PRKG1: variants seen among roughly 807,000 people sequenced by gnomAD.
PRKG1 encodes protein kinase cGMP-dependent 1.
In PRKG1, 35 loss-of-function variants were observed where a neutral mutation model predicts 88.1. The observed-to-expected ratio is 0.40, with a 90% CI of 0.30 to 0.53. PRKG1 has a LOEUF of 0.53. Among genes scored for constraint, PRKG1 ranks in the 20% least tolerant of loss-of-function variants. PRKG1 has a pLI of 0.59. For synonymous variants in PRKG1, 303 were observed against 292.5 expected, an observed-to-expected ratio of 1.04 and a Z score of -0.37; for missense variants, 540 against 839.8, an observed-to-expected ratio of 0.64 and a Z score of 4.41.
intron 5 of PRKG1, among the ~76,000 whole-genome samples, chr10:52,007,353 A>T (rs532698558): frequency 6.6e-6 from 1 of 151,536 alleles, no homozygotes; most frequent in South Asian, 2.1e-4. Context: ...AAGAAATGAG[A>T]CCAAATGTTA....
intron 3 of PRKG1, among the ~76,000 whole-genome samples, chr10:51,706,582 C>T (rs1030089099): frequency 6.6e-6 from 1 of 151,994 alleles, no homozygotes; most frequent in Non-Finnish European, 1.5e-5. Context: ...TTAGACCAGG[C>T]TCAAATGTCC....
At chr10:51,131,096 AATGTTCCTGGTAG>A (rs1383910591) in intron 1 of PRKG1, among the ~76,000 whole-genome samples, 1 of 152,140 alleles carries the variant, frequency 6.6e-6, no homozygotes, top group Non-Finnish European at 1.5e-5. Context: ...AGTAACAATT[AATGTTCCTGGTAG>A]ATTTTCCCAT....
intron 7 of PRKG1, among the ~76,000 whole-genome samples, chr10:52,098,932 T>C (rs914879711): frequency 2.0e-5 from 3 of 152,198 alleles, no homozygotes; most frequent in Admixed American, 1.3e-4. Context: ...AGAATCCAAA[T>C]GTAAAGCTGT....
In PRKG1 at chr10:51,013,896, T is replaced by A. The variant is rs148775313; in HGVS notation, c.266+22252T>A. Among the ~76,000 whole-genome samples the A allele has an allele frequency of 3.4e-3, 512 of 152,298 alleles. 4 individuals carry two copies. Among genetic ancestry groups the A allele is most frequent in the African/African-American group, 0.012 (484 of 41,566 alleles). ...AGGCTATTCAACAACTGAGCACTATTTGTTTTAAATCGTCTTAATCGATGG... is the reference window on the plus strand; with the variant it reads ...AGGCTATTCAACAACTGAGCACTATATGTTTTAAATCGTCTTAATCGATGG... On this transcript the variant is annotated intron_variant, in intron 1 of 17. Transcript: ENST00000401604.
chr10:50,995,172 T>C (rs1842825721), intron 1 of PRKG1, among the ~76,000 whole-genome samples: 2 of 152,284 alleles, frequency 1.3e-5, no homozygotes, highest in Non-Finnish European at 2.9e-5. Flanking sequence ...ATTTACGTAA[T>C]AGGTGACAAA....
At chr10:51,621,265 A>G (rs1564576708) in intron 3 of PRKG1, among the ~76,000 whole-genome samples, 1 of 151,932 alleles carries the variant, frequency 6.6e-6, no homozygotes, top group Non-Finnish European at 1.5e-5. Flanking sequence ...GTGAGATCAG[A>G]TGAAAGAGTT....
intron 2 of PRKG1, among the ~76,000 whole-genome samples, chr10:51,377,158 C>T (rs891566746): frequency 1.3e-5 from 2 of 151,968 alleles, no homozygotes; most frequent in Non-Finnish European, 2.9e-5. Context: ...TCTATGCTAA[C>T]TGTATGCATA....
chr10:51,945,969 G>A (rs1295362905), intron 5 of PRKG1, among the ~76,000 whole-genome samples: 9 of 150,236 alleles, frequency 6.0e-5, no homozygotes, highest in Admixed American at 1.3e-4. Flanking sequence ...TCTTTGTGGC[G>A]TTCTCTGTAT....
At chr10:51,349,274 T>C (rs1333653180) in intron 2 of PRKG1, among the ~76,000 whole-genome samples, 2 of 152,138 alleles carry the variant, frequency 1.3e-5, no homozygotes, top group Non-Finnish European at 2.9e-5. Flanking sequence ...GTGAAATATA[T>C]GGCCAGTGAC....
chr10:51,695,017 T>G (rs1332102781), intron 3 of PRKG1, among the ~76,000 whole-genome samples: 5 of 152,178 alleles, frequency 3.3e-5, no homozygotes, highest in African/African-American at 1.2e-4. Context: ...TAAACCCTTA[T>G]GAAGGCAGCA....
At chr10:52,080,148 T>C (rs1439663578) in intron 7 of PRKG1, among the ~76,000 whole-genome samples, 3 of 152,226 alleles carry the variant, frequency 2.0e-5, no homozygotes, top group Non-Finnish European at 4.4e-5. Flanking sequence ...GATTATAATA[T>C]TAACCATTCC....
intron 1 of PRKG1, among the ~76,000 whole-genome samples, chr10:51,104,445 T>C (rs186086200): frequency 4.4e-4 from 67 of 152,318 alleles, no homozygotes; most frequent in Non-Finnish European, 5.3e-4. Flanking sequence ...GTATATAAGA[T>C]GTAAGTACGT....
chr10:52,257,191 C>G (rs1488394889), intron 10 of PRKG1, among the ~76,000 whole-genome samples: 3 of 139,056 alleles, frequency 2.2e-5, no homozygotes, highest in Non-Finnish European at 4.9e-5. Flanking sequence ...GTCGCGAGAA[C>G]CAATTTATGC....
intron 3 of PRKG1, among the ~76,000 whole-genome samples, chr10:51,719,994 G>T (rs1033053747): frequency 2.6e-5 from 4 of 152,132 alleles, no homozygotes; most frequent in African/African-American, 9.7e-5. Context: ...ATGCTGGGAA[G>T]GGTACATATT....
chr10:51,833,737 T>C (rs938459618), intron 4 of PRKG1, among the ~76,000 whole-genome samples: 4 of 152,168 alleles, frequency 2.6e-5, no homozygotes. Flanking sequence ...TTCTGTAACA[T>C]ATAATACATT....
At chr10:51,389,400 A>C (rs1837338975) in intron 2 of PRKG1, among the ~76,000 whole-genome samples, 1 of 152,192 alleles carries the variant, frequency 6.6e-6, no homozygotes, top group Non-Finnish European at 1.5e-5. Flanking sequence ...AATAATATTC[A>C]AACACCGATC....
intron 1 of PRKG1, among the ~76,000 whole-genome samples, chr10:51,124,908 C>T (rs1414512410): frequency 6.6e-6 from 1 of 152,212 alleles, no homozygotes; most frequent in Admixed American, 6.5e-5. Flanking sequence ...CACAAAGATG[C>T]TCTCCTTTGA....
chr10:51,015,385 A>G (rs1300688324), intron 1 of PRKG1, among the ~76,000 whole-genome samples: 1 of 152,100 alleles, frequency 6.6e-6, no homozygotes, highest in South Asian at 2.1e-4. Flanking sequence ...TTGTTACACT[A>G]TTTTTTCCAA....
At chr10:51,152,731 C>A (rs1846105064) in intron 1 of PRKG1, among the ~76,000 whole-genome samples, 1 of 151,782 alleles carries the variant, frequency 6.6e-6, no homozygotes, top group East Asian at 1.9e-4. Flanking sequence ...TACAATACAT[C>A]CCTGATATTC....
Sources: gnomAD v4.1 joint callset for allele counts (sites outside exome capture counted in the v4.1 genomes callset) on GRCh38, gnomAD v4.1.1 for gene constraint, MANE v1.5 for transcripts, NCBI Gene and HGNC (gene_info 2026-07-23, HGNC 2026-07-21) for gene names.